KIAA0586: variants seen among roughly 807,000 people sequenced by gnomAD.
KIAA0586 encodes the protein KIAA0586.
Under a neutral mutation model 169.8 loss-of-function variants are expected in KIAA0586, and 144 were observed. The ratio of observed to expected loss-of-function variants is 0.85; its 90% confidence interval spans 0.74 to 0.97. The LOEUF (loss-of-function observed/expected upper bound fraction) is 0.97. KIAA0586 is among the 50% of genes least tolerant of loss of function. The probability of loss-of-function intolerance (pLI) is 0.00; values close to 1 mark genes in which losing one functional copy is unlikely to be tolerated. For synonymous variants in KIAA0586, 625 were observed against 612.4 expected (o/e 1.02, Z -0.30); for missense variants, 1,854 against 1,823.0 (o/e 1.02, Z -0.31).
chr14:58,522,029 CT>C, intron 29 of KIAA0586: 1 of 1,153,980 alleles, frequency 8.7e-7, no homozygotes, highest in Non-Finnish European at 1.3e-6. Context: ...CCCATCATTT[CT>C]TTACGTAGGT....
intron 29 of KIAA0586, among the ~76,000 whole-genome samples, chr14:58,530,294 C>T (rs2045875022): frequency 6.6e-6 from 1 of 152,248 alleles, no homozygotes; most frequent in African/African-American, 2.4e-5. Context: ...TCAGTGCTAT[C>T]CCCATCAAGC....
intron 6 of KIAA0586, among the ~76,000 whole-genome samples, chr14:58,446,950 G>A (rs1354426614): frequency 6.6e-6 from 1 of 152,074 alleles, no homozygotes; most frequent in Non-Finnish European, 1.5e-5. Flanking sequence ...CATTTGAAAA[G>A]CACATTGATT....
chr14:58,521,083 G>T, intron 29 of KIAA0586: 1 of 429,436 alleles, frequency 2.3e-6, no homozygotes, highest in Non-Finnish European at 4.4e-6. Context: ...TGCCGACCTT[G>T]AGCAGCAGTT....
chr14:58,554,593 G>A (rs1461746580), downstream of KIAA0586, among the ~76,000 whole-genome samples: 1 of 152,188 alleles, frequency 6.6e-6, no homozygotes, highest in African/African-American at 2.4e-5. Context: ...TGAGGAGGTA[G>A]TCTTGTGGCC....
Position 58,460,020 on chromosome 14 carries a change from C to T in KIAA0586, c.1834C>T (p.Leu612=). Residue 612 remains leucine (L), a synonymous_variant, in exon 13 of 31, where the codon CTA becomes TTA. Coordinates refer to ENST00000652326, the MANE Select transcript of KIAA0586 (RefSeq NM_001329943.3). The part of the protein sequence containing the change: ...QKQIEEHFRN[L]PMRGMPASSL... The stretch of plus-strand genomic sequence containing the variant: ...GCAAATAGAAGAGCATTTTAGAAAT[C>T]TACCTATGAGGGGCATGCCTGCTTC... The T allele has an allele frequency of 1.3e-6, 2 of 1,534,430 alleles. No homozygotes were observed. Among genetic ancestry groups the T allele is most frequent in the Non-Finnish European group, 1.7e-6 (2 of 1,145,858 alleles).
Position 58,448,400 on chromosome 14 carries a change from T to G in KIAA0586, c.868T>G (p.Ser290Ala), listed in dbSNP as rs1372486181. The G allele has an allele frequency of 2.5e-6, 4 of 1,609,738 alleles. No individual in the cohort carries two copies. Among genetic ancestry groups the G allele is most frequent in the Non-Finnish European group, 2.6e-6 (3 of 1,176,320 alleles). ...SSFQPVSMPS[S>A]RAVEKYSVKP... ...TTTTCAGCCTGTTAGTATGCCCTCC[T>G]CCAGAGCAGTGGAAAAGTATTCCGT... Residue 290 changes from serine to alanine, a missense_variant, in exon 7 of 31, where the codon TCC becomes GCC. By Grantham distance (99) the Ser-to-Ala change is moderately conservative. Coordinates refer to ENST00000652326, the MANE Select transcript of KIAA0586 (RefSeq NM_001329943.3).
intron 30 of KIAA0586, among the ~76,000 whole-genome samples, chr14:58,543,157 C>T (rs1415973578): frequency 1.4e-5 from 2 of 146,380 alleles, no homozygotes; most frequent in African/African-American, 5.1e-5. Context: ...AGAAAAGAAA[C>T]ACCTCTGAAG....
intron 4 of KIAA0586, chr14:58,439,870 A>C: frequency 1.0e-6 from 1 of 975,060 alleles, no homozygotes. Context: ...TTTTACTTAG[A>C]CTCTCTTAGG....
intron 28 of KIAA0586, 132 bp downstream of exon 28, chr14:58,508,841 C>T (rs890244729): frequency 1.5e-6 from 1 of 674,482 alleles, no homozygotes; most frequent in Non-Finnish European, 2.5e-6. Context: ...TATTTCCTAA[C>T]TCAAGTCTGA....
Position 58,484,924 on chromosome 14 carries a change from A to ATATT in KIAA0586, c.3145-2082_3145-2081insATTT, listed in dbSNP as rs1566877360. 3.1e-4 allele frequency among the ~76,000 whole-genome samples: 4 copies of ATATT among 13,050 alleles called. 1 individual carries two copies. Among genetic ancestry groups the ATATT allele is most frequent in the African/African-American group, 9.2e-4 (3 of 3,258 alleles). The allele number at this position is 13,050 out of a possible 152,430, so 8.6% of individuals were successfully genotyped here. A position where few individuals can be genotyped will look rare whatever the true frequency, so the allele number is the denominator to read the frequency against. ...TATATATATATATATATATATATAT[A>ATATT]TTTTTTTTTTTTTTTTTTTTTTTTT... On this transcript the variant is annotated intron_variant, in intron 21 of 30. Coordinates refer to ENST00000652326, the MANE Select transcript of KIAA0586 (RefSeq NM_001329943.3).
chr14:58,511,635 C>G (rs1204546689), intron 28 of KIAA0586, among the ~76,000 whole-genome samples: 1 of 152,148 alleles, frequency 6.6e-6, no homozygotes, highest in Non-Finnish European at 1.5e-5. Context: ...TCCTTCGAGG[C>G]AGAAACATAC....
At chr14:58,534,066 A>G (rs2046143776) in intron 29 of KIAA0586, among the ~76,000 whole-genome samples, 3 of 152,320 alleles carry the variant, frequency 2.0e-5, no homozygotes, top group Middle Eastern at 3.4e-3. Flanking sequence ...CCCACTGTCA[A>G]GGCTACACAG....
At chr14:58,490,049 C>G (rs1050753342) in intron 24 of KIAA0586, 115 bp from the exon 25 acceptor site, 1 of 541,260 alleles carries the variant, frequency 1.8e-6, no homozygotes, top group East Asian at 3.5e-5. Flanking sequence ...TAAACTTTGC[C>G]AGTATTTCCA....
At chr14:58,502,090 C>T (rs2043608399) in intron 27 of KIAA0586, among the ~76,000 whole-genome samples, 1 of 152,140 alleles carries the variant, frequency 6.6e-6, no homozygotes, top group Non-Finnish European at 1.5e-5. Context: ...TAGCAGACAT[C>T]TCCCAAGAGA....
intron 24 of KIAA0586, 110 bp downstream of exon 24, chr14:58,488,984 T>C (rs2042657503): frequency 8.3e-7 from 1 of 1,207,282 alleles, no homozygotes; most frequent in Admixed American, 2.4e-5. Flanking sequence ...TAACATGGTA[T>C]AGTAGAAAGA....
Position 58,547,793 on chromosome 14 carries a change from T to C in KIAA0586, c.4508T>C (p.Val1503Ala), listed in dbSNP as rs762812009. 33 of 1,613,508 alleles carry C rather than the reference T, an allele frequency of 2.0e-5. No individual in the cohort carries two copies. The highest frequency in any genetic ancestry group is 2.7e-5 in the Non-Finnish European group (32 of 1,179,614). ...LTCVFSGGKA[V>A]PLSASQMPPA... is the part of the protein sequence containing the mutation. ...CTCCTTTGTGCAGGTGGGAAAGCAG[T>C]GCCACTCTCCGCTTCACAGATGCCC... Residue 1503 changes from valine (V) to alanine (A), a missense_variant, in exon 31 of 31, where the codon GTG (valine) becomes GCG (alanine). Physicochemically the swap from Val to Ala is moderately conservative, Grantham distance 64. Coordinates refer to ENST00000652326, the MANE Select transcript of KIAA0586 (RefSeq NM_001329943.3).
intron 26 of KIAA0586, among the ~76,000 whole-genome samples, chr14:58,497,428 C>T (rs1595379853): frequency 1.3e-5 from 2 of 150,938 alleles, no homozygotes; most frequent in African/African-American, 2.4e-5. Flanking sequence ...GGCTCAGTCT[C>T]GGCTCACTGC....
intron 6 of KIAA0586, among the ~76,000 whole-genome samples, chr14:58,447,981 C>T (rs367796554): frequency 6.6e-6 from 1 of 152,118 alleles, no homozygotes; most frequent in African/African-American, 2.4e-5. Flanking sequence ...GTTTAAAATT[C>T]TCTGATTCAA....
intron 21 of KIAA0586, among the ~76,000 whole-genome samples, chr14:58,484,888 A>ATTTATATATATATTTATATATATATT (rs1555391458): frequency 5.4e-5 from 1 of 18,490 alleles, no homozygotes; most frequent in Non-Finnish European, 8.9e-5. Flanking sequence ...TTATATATAT[A>ATTTATATATATATTTATATATATATT]TTTATATATA....
Sources: gnomAD v4.1 joint callset for allele counts (sites outside exome capture counted in the v4.1 genomes callset) on GRCh38, gnomAD v4.1.1 for gene constraint, MANE v1.5 for transcripts, NCBI Gene and HGNC (gene_info 2026-07-23, HGNC 2026-07-21) for gene names.